Variants in CCSER1 observed in about 807,000 individuals in gnomAD.
CCSER1 encodes the protein serine-rich coiled-coil domain-containing protein 1.
Under a neutral mutation model 82.0 loss-of-function variants are expected in CCSER1, and 41 were observed. That is an observed-to-expected ratio of 0.50 (90% CI 0.39 to 0.65). The LOEUF (loss-of-function observed/expected upper bound fraction) is 0.65. CCSER1 is among the 30% of genes least tolerant of loss of function. CCSER1 has a pLI of 0.00. For missense variants in CCSER1, 1,119 were observed against 1,064.2 expected (o/e 1.05, Z -0.72); for synonymous variants, 414 against 383.9 (o/e 1.08, Z -0.92).
At chr4:90,911,789 C>T (rs918685914) in intron 8 of CCSER1, among the ~76,000 whole-genome samples, 11 of 152,138 alleles carry the variant, frequency 7.2e-5, no homozygotes, top group Non-Finnish European at 1.5e-4. Context: ...CCTAATACTG[C>T]GCTTTTCCGA....
At chr4:90,334,613 C>G (rs1740017683) in intron 3 of CCSER1, among the ~76,000 whole-genome samples, 1 of 151,764 alleles carries the variant, frequency 6.6e-6, no homozygotes, top group South Asian at 2.1e-4. Flanking sequence ...TTCAATTATG[C>G]ATTGTTTTAT....
intron 9 of CCSER1, among the ~76,000 whole-genome samples, chr4:91,070,188 T>C (rs776922372): frequency 3.8e-4 from 58 of 152,206 alleles, no homozygotes; most frequent in Middle Eastern, 3.4e-3. Context: ...GGTTTCACCA[T>C]GTTGACCAGA....
intron 9 of CCSER1, among the ~76,000 whole-genome samples, chr4:91,012,851 G>A (rs1345237004): frequency 7.5e-6 from 1 of 133,992 alleles, no homozygotes; most frequent in Non-Finnish European, 1.7e-5. Context: ...GGGGTCCCCA[G>A]TGGTTAGGAC....
intron 9 of CCSER1, among the ~76,000 whole-genome samples, chr4:90,968,220 A>G (rs1181279638): frequency 6.6e-6 from 1 of 151,818 alleles, no homozygotes; most frequent in Admixed American, 6.6e-5. Context: ...AAATAATAAT[A>G]ATAATAATAA....
At position 90,450,627 on chromosome 4, in the gene CCSER1, C is replaced by T. The variant is rs945841159; in HGVS notation, c.1604-17607C>T. Among the ~76,000 whole-genome samples, 8 of 152,248 alleles carry T rather than the reference C, an allele frequency of 5.3e-5. No individual in the cohort carries two copies. The East Asian group carries it at 1.5e-3, about 29-fold the overall frequency. ...GTCAACAGAGGAAATTCCGTCAGTTCCCTGGTCTTTTACTAAAGTGTAATG... is the reference window on the plus strand; with the variant it reads ...GTCAACAGAGGAAATTCCGTCAGTTTCCTGGTCTTTTACTAAAGTGTAATG... On this transcript the variant is annotated intron_variant, in intron 4 of 10. Transcript: ENST00000509176.
chr4:90,351,286 T>C (rs1181655979), intron 3 of CCSER1, among the ~76,000 whole-genome samples: 1 of 152,160 alleles, frequency 6.6e-6, no homozygotes, highest in Non-Finnish European at 1.5e-5. Flanking sequence ...AAAGATACCT[T>C]GTCCAGTAAA....
chr4:91,474,787 GTA>G (rs764572024), intron 10 of CCSER1, among the ~76,000 whole-genome samples: 16,684 of 134,596 alleles, frequency 0.12, 1,272 homozygotes, highest in Middle Eastern at 0.18. Context: ...ATATATTTGT[GTA>G]TATATATATA....
intron 10 of CCSER1, among the ~76,000 whole-genome samples, chr4:91,429,676 A>G (rs560636681): frequency 6.6e-6 from 1 of 152,044 alleles, no homozygotes; most frequent in Non-Finnish European, 1.5e-5. Flanking sequence ...ACTGATATTT[A>G]TGCACACGAT....
chr4:90,550,140 A>G lies in CCSER1; in HGVS notation c.1725-77885A>G, dbSNP rs551054394. Among the ~76,000 whole-genome samples, 7 of 152,268 alleles carry G rather than the reference A, an allele frequency of 4.6e-5. No homozygotes were observed. The East Asian group carries it at 1.3e-3, about 29-fold the overall frequency. On this transcript the variant is annotated intron_variant, in intron 5 of 10. Coordinates refer to ENST00000509176, the MANE Select transcript of CCSER1 (RefSeq NM_001145065.2). ...GTCCCAGGGGAAGAGTAGCCAGTGG[A>G]CAGTTGAGGAGAGCAAGGGGTAGTT... is the stretch of plus-strand genomic sequence containing the variant.
chr4:90,206,495 T>C (rs1217429915), intron 1 of CCSER1, among the ~76,000 whole-genome samples: 2 of 152,162 alleles, frequency 1.3e-5, no homozygotes, highest in Non-Finnish European at 1.5e-5. Context: ...AGTTTCCATG[T>C]AGTTGTGTGG....
intron 9 of CCSER1, among the ~76,000 whole-genome samples, chr4:91,075,903 C>T (rs1256271822): frequency 1.3e-5 from 2 of 151,980 alleles, no homozygotes; most frequent in African/African-American, 4.8e-5. Flanking sequence ...CAAGATTGTG[C>T]ATGTTTCCTA....
intron 8 of CCSER1, among the ~76,000 whole-genome samples, chr4:90,845,913 C>T (rs946737710): frequency 3.3e-5 from 5 of 151,766 alleles, no homozygotes; most frequent in Admixed American, 2.0e-4. Flanking sequence ...CATTTCCAAG[C>T]CACTATACAA....
chr4:90,460,824 T>C (rs1762802440), intron 4 of CCSER1, among the ~76,000 whole-genome samples: 1 of 152,190 alleles, frequency 6.6e-6, no homozygotes. Flanking sequence ...GTGCTGAGAA[T>C]TGTATTTCAT....
Position 91,583,550 on chromosome 4 carries a change from G to C in CCSER1, c.2218-15022G>C, listed in dbSNP as rs553515763. Among the ~76,000 whole-genome samples, 4 of 151,472 alleles carry C rather than the reference G, an allele frequency of 2.6e-5. No individual in the cohort carries two copies. In the East Asian group the frequency reaches 5.8e-4, roughly 22 times the overall value. On this transcript the variant is annotated intron_variant, in intron 10 of 10. Transcript: ENST00000509176. Reference sequence around the variant, plus strand: ...TAAGGACACACGCAGATTTTCTATAGAGTTCCTTGACATTTGAAAATAAAA... The same window carrying C: ...TAAGGACACACGCAGATTTTCTATACAGTTCCTTGACATTTGAAAATAAAA...
chr4:90,621,879 A>G (rs1032022388), intron 5 of CCSER1, among the ~76,000 whole-genome samples: 1 of 152,202 alleles, frequency 6.6e-6, no homozygotes, highest in African/African-American at 2.4e-5. Flanking sequence ...TTATCTGCAT[A>G]GGCGTAAAAA....
Position 91,113,992 on chromosome 4 carries a change from A to G in CCSER1, c.2217+27998A>G, listed in dbSNP as rs558678617. Among the ~76,000 whole-genome samples, 176 of 152,150 alleles carry G rather than the reference A, an allele frequency of 1.2e-3. 5 individuals are homozygous for G. The Middle Eastern group carries it at 0.031, about 26-fold the overall frequency. ...CTCAGCCTCCCGAGTAGTTGGGACC[A>G]CAGGCGCCCACTACCACGCCCGGCT... is the stretch of plus-strand genomic sequence containing the variant. On this transcript the variant is annotated intron_variant, in intron 10 of 10. Coordinates refer to ENST00000509176, the MANE Select transcript of CCSER1 (RefSeq NM_001145065.2).
intron 9 of CCSER1, among the ~76,000 whole-genome samples, chr4:91,079,461 TG>T (rs1722435814): frequency 6.6e-6 from 1 of 152,162 alleles, no homozygotes; most frequent in Admixed American, 6.6e-5. Flanking sequence ...TACCAGCCAC[TG>T]CAAAAACATG....
chr4:90,767,748 T>C (rs62313020), intron 7 of CCSER1, among the ~76,000 whole-genome samples: 89,632 of 151,850 alleles, frequency 0.59, 26,652 homozygotes, highest in African/African-American at 0.65. Context: ...TATCTCAGTT[T>C]GCTCCATCTC....
chr4:90,575,048 C>G (rs920431537), intron 5 of CCSER1, among the ~76,000 whole-genome samples: 5 of 152,088 alleles, frequency 3.3e-5, no homozygotes, highest in African/African-American at 1.2e-4. Context: ...TACACCACTC[C>G]CTGGTTCATC....
Sources: gnomAD v4.1 joint callset for allele counts (sites outside exome capture counted in the v4.1 genomes callset) on GRCh38, gnomAD v4.1.1 for gene constraint, MANE v1.5 for transcripts, NCBI Gene and HGNC (gene_info 2026-07-23, HGNC 2026-07-21) for gene names.